Variants in ZKSCAN5 observed in about 807,000 individuals in gnomAD.
ZKSCAN5 encodes zinc finger with KRAB and SCAN domains 5.
ZKSCAN5 carries 28 observed loss-of-function variants against 60.0 expected under a neutral mutation model. The ratio of observed to expected loss-of-function variants is 0.47; its 90% CI spans 0.35 to 0.64. The LOEUF (loss-of-function observed/expected upper bound fraction) is 0.64, where lower values mean the gene tolerates loss of function less well. Ranked by LOEUF, ZKSCAN5 falls within the 30% of genes least tolerant of loss-of-function variation. The pLI is 0.01. For missense variants in ZKSCAN5, 881 were observed against 1,034.6 expected, an observed-to-expected ratio of 0.85 and a Z score of 2.04; for synonymous variants, 361 against 371.2, an observed-to-expected ratio of 0.97 and a Z score of 0.31.
Position 99,531,455 on chromosome 7 carries a change from C to A in ZKSCAN5, c.1726C>A (p.Pro576Thr). The change falls in exon 7 of 7, where the codon CCA becomes ACA. Residue 576 changes from proline (P) to threonine (T), a missense_variant. This residue lies in a region of ZKSCAN5 where 112 missense variants were observed against 182.4 expected (regional missense o/e 0.61). Coordinates refer to ENST00000326775, the MANE Select transcript of ZKSCAN5 (RefSeq NM_145102.4). The stretch of plus-strand genomic sequence containing the variant: ...TCAAAGAATACACACTGGGGAGAAA[C>A]CATTCAGGTGTGAGGAATGTGGGAA... The part of the protein sequence containing the change: ...QHQRIHTGEK[P>T]FRCEECGKSY... 3 of 1,614,148 alleles carry A rather than the reference C, an allele frequency of 1.9e-6. No individual in the cohort carries two copies. Among genetic ancestry groups the A allele is most frequent in the Non-Finnish European group, 2.5e-6 (3 of 1,180,034 alleles).
chr7:99,526,366 T>C lies in ZKSCAN5; in HGVS notation c.1326T>C (p.His442=). 1.2e-6 allele frequency: 2 copies of C among 1,604,304 alleles called. No homozygotes were observed. Among genetic ancestry groups the C allele is most frequent in the Non-Finnish European group, 1.7e-6 (2 of 1,179,992 alleles). ...AGTGTGGGAAGAACTTCGGTCGCCA[T>C]TCGCATCTGATCGAACACCTAAAAC... ...CNECGKNFGR[H]SHLIEHLKRH... Residue 442 remains histidine, a synonymous_variant, in exon 6 of 7, where the codon CAT becomes CAC. Coordinates refer to ENST00000326775, the MANE Select transcript of ZKSCAN5 (RefSeq NM_145102.4).
chr7:99,527,371 CAGT>C (rs1801838585), intron 6 of ZKSCAN5, among the ~76,000 whole-genome samples: 1 of 152,042 alleles, frequency 6.6e-6, no homozygotes. Context: ...AATAAAATAA[CAGT>C]AGTACAGGAA....
intron 2 of ZKSCAN5, among the ~76,000 whole-genome samples, chr7:99,509,963 G>A (rs1800942107): frequency 6.6e-6 from 1 of 151,888 alleles, no homozygotes; most frequent in African/African-American, 2.4e-5. Flanking sequence ...TCTTTTTTTA[G>A]AGATAGGGCC....
intron 6 of ZKSCAN5, 49 bp downstream of exon 6, chr7:99,526,467 A>G (rs186455916): frequency 6.4e-7 from 1 of 1,561,576 alleles, no homozygotes. Context: ...GCGAAAAGCA[A>G]AAGGTGTTTT....
chr7:99,510,266 G>A (rs1800957461), intron 2 of ZKSCAN5, among the ~76,000 whole-genome samples: 1 of 151,592 alleles, frequency 6.6e-6, no homozygotes, highest in Admixed American at 6.6e-5. Flanking sequence ...TTAAGACGGA[G>A]TCTGGCTCTG....
chr7:99,519,745 T>C, intron 3 of ZKSCAN5, 82 bp from the exon 4 acceptor site: 1 of 1,395,998 alleles, frequency 7.2e-7, no homozygotes, highest in Non-Finnish European at 1.0e-6. Context: ...CCATTATGGA[T>C]TCCTGAGCAT....
At position 99,533,494 on chromosome 7, in the gene ZKSCAN5, T is replaced by C. The variant is rs1323270401; in HGVS notation, c.*1245T>C. On this transcript the variant is annotated 3_prime_UTR_variant, in exon 7 of 7. Coordinates refer to ENST00000326775, the MANE Select transcript of ZKSCAN5 (RefSeq NM_145102.4). Reference sequence around the variant, plus strand: ...CACTGTGGTGCCCTGTCCAGTCCCCTCTACCAAGCTGAGACCCCCATCCCC... The same window carrying C: ...CACTGTGGTGCCCTGTCCAGTCCCCCCTACCAAGCTGAGACCCCCATCCCC... The C allele has an allele frequency of 4.8e-6, 2 of 419,744 alleles. No individual in the cohort carries two copies. The highest frequency in any genetic ancestry group is 6.7e-5 in the East Asian group (2 of 29,636). 26.0% of individuals were successfully genotyped at this position (419,744 alleles called of 1,614,324 possible).
chr7:99,509,373 C>G (rs1171843729), intron 2 of ZKSCAN5, among the ~76,000 whole-genome samples: 1 of 152,158 alleles, frequency 6.6e-6, no homozygotes, highest in Admixed American at 6.6e-5. Flanking sequence ...ATCCACCTGC[C>G]TTGGCCTCCC....
intron 5 of ZKSCAN5, 53 bp from the exon 6 acceptor site, chr7:99,525,760 T>G (rs1477971706): frequency 6.4e-7 from 1 of 1,551,080 alleles, no homozygotes; most frequent in Non-Finnish European, 8.7e-7. Flanking sequence ...CTCATTTTAT[T>G]TCTTCAAATT....
intron 2 of ZKSCAN5, among the ~76,000 whole-genome samples, chr7:99,508,095 C>G (rs1340036172): frequency 6.6e-6 from 1 of 151,302 alleles, no homozygotes; most frequent in African/African-American, 2.4e-5. Context: ...GTCAGAAGAT[C>G]GAGACCATCC....
intron 5 of ZKSCAN5, among the ~76,000 whole-genome samples, chr7:99,521,711 CT>C (rs1404415987): frequency 1.3e-5 from 2 of 151,298 alleles, no homozygotes; most frequent in African/African-American, 2.4e-5. Context: ...TCTTGGTAGT[CT>C]TTTTTTATTT....
intron 3 of ZKSCAN5, among the ~76,000 whole-genome samples, chr7:99,513,301 C>G (rs1019556012): frequency 1.3e-5 from 2 of 152,088 alleles, no homozygotes; most frequent in South Asian, 2.1e-4. Flanking sequence ...AAACCTACAA[C>G]GCAAATGATG....
chr7:99,520,421 T>G, intron 5 of ZKSCAN5, 117 bp downstream of exon 5: 1 of 1,268,532 alleles, frequency 7.9e-7, no homozygotes, highest in Non-Finnish European at 1.1e-6. Flanking sequence ...CTTTGCTTTT[T>G]TTTATTTTTT....
At chr7:99,505,573 G>A (rs547834361) in intron 1 of ZKSCAN5, 1 of 162,064 alleles carries the variant, frequency 6.2e-6, no homozygotes, top group African/African-American at 2.4e-5. Context: ...AGCTCTTGTA[G>A]CTTAGAGAAC....
At chr7:99,512,123 G>C (rs1007253206) in intron 2 of ZKSCAN5, among the ~76,000 whole-genome samples, 5 of 152,070 alleles carry the variant, frequency 3.3e-5, no homozygotes, top group Non-Finnish European at 7.4e-5. Context: ...GTTTGCTTAC[G>C]GGACACTTCC....
intron 3 of ZKSCAN5, among the ~76,000 whole-genome samples, chr7:99,514,123 C>A (rs896852849): frequency 6.6e-6 from 1 of 152,142 alleles, no homozygotes; most frequent in Admixed American, 6.6e-5. Flanking sequence ...TCCAGAATCT[C>A]TTATTATCTT....
Position 99,519,845 on chromosome 7 carries a change from T to G in ZKSCAN5, c.572T>G (p.Val191Gly). Residue 191 changes from valine (V) to glycine (G), a missense_variant, in exon 4 of 7, where the codon GTT becomes GGT. By Grantham distance (109) the Val-to-Gly change is moderately radical (BLOSUM62 -3). This residue lies in a region of ZKSCAN5 where 490 missense variants were observed against 554.5 expected (regional missense o/e 0.88). Coordinates refer to ENST00000326775, the MANE Select transcript of ZKSCAN5 (RefSeq NM_145102.4). ...LEENALPVLQ[V>G]PSLPLKDSQE... ...CCCTTAGCCCTTCCTGTTCTCCAAGTTCCTTCCCTTCCCCTGAAGGACAGC... is the reference window on the plus strand; with the variant it reads ...CCCTTAGCCCTTCCTGTTCTCCAAGGTCCTTCCCTTCCCCTGAAGGACAGC... 1 of 1,614,076 alleles carries G rather than the reference T, an allele frequency of 6.2e-7. No homozygotes were observed. Among genetic ancestry groups the G allele is most frequent in the Non-Finnish European group, 8.5e-7 (1 of 1,180,008 alleles).
rs1215275485 is a variant in ZKSCAN5, at chr7:99,506,467, A to T, written c.414+9A>T. 6.2e-7 allele frequency: 1 copy of T among 1,601,326 alleles called. No homozygotes were observed. Reference sequence around the variant, plus strand: ...AGGAACGCAGACAGCAGGTGAGTCAAAGAGAAGCTATATGAGCAATGAAGG... The same window carrying T: ...AGGAACGCAGACAGCAGGTGAGTCATAGAGAAGCTATATGAGCAATGAAGG... On this transcript the variant is annotated intron_variant, in intron 2 of 6. Transcript: ENST00000326775.
chr7:99,505,917 A>C, intron 1 of ZKSCAN5, 88 bp from the exon 2 acceptor site: 1 of 1,142,996 alleles, frequency 8.7e-7, no homozygotes, highest in Non-Finnish European at 1.2e-6. Flanking sequence ...TGTCTTTGCT[A>C]ATAATGATGC....
Sources: allele counts gnomAD v4.1 joint callset (sites outside exome capture counted in the v4.1 genomes callset), GRCh38; gene constraint gnomAD v4.1.1; regional missense constraint gnomAD v4.1.1; transcripts MANE v1.5; gene names NCBI Gene and HGNC (gene_info 2026-07-23, HGNC 2026-07-21).